The following QRICH2 variants were observed in gnomAD, a reference collection of about 807,000 sequenced individuals.
The protein encoded by QRICH2 is glutamine rich 2.
In QRICH2, 119 loss-of-function variants were observed where a neutral mutation model predicts 168.3. That is an observed-to-expected ratio of 0.71 (90% confidence interval 0.61 to 0.82). The LOEUF (loss-of-function observed/expected upper bound fraction) is 0.82, where lower values mean the gene tolerates loss of function less well. QRICH2 is among the 40% of genes least tolerant of loss of function. QRICH2 has a pLI of 0.00. For missense variants in QRICH2, 2,241 were observed against 2,491.6 expected (o/e 0.90, Z 2.14); for synonymous variants, 894 against 951.2 (o/e 0.94, Z 1.11).
chr17:76,283,093 G>C (rs2070818857), intron 7 of QRICH2, among the ~76,000 whole-genome samples: 2 of 152,182 alleles, frequency 1.3e-5, no homozygotes, highest in African/African-American at 4.8e-5. Flanking sequence ...CACATCCCCA[G>C]GGCAGCATCC....
chr17:76,309,259 G>A (rs1038890784), upstream of QRICH2, among the ~76,000 whole-genome samples: 2 of 150,774 alleles, frequency 1.3e-5, no homozygotes, highest in Non-Finnish European at 2.9e-5. Context: ...GGGAGGCTGA[G>A]GCAGGAGAAT....
chr17:76,287,415 C>A, intron 6 of QRICH2, 109 bp from the exon 7 acceptor site: 1 of 738,944 alleles, frequency 1.4e-6, no homozygotes, highest in South Asian at 1.5e-5. Flanking sequence ...AGGTCTCTCA[C>A]CCTCCACCCC....
At chr17:76,306,154 G>A (rs1456109895) in intron 1 of QRICH2, among the ~76,000 whole-genome samples, 1 of 116,542 alleles carries the variant, frequency 8.6e-6, no homozygotes, top group East Asian at 3.0e-4. Context: ...GGGTGACAGA[G>A]TGAGAATGTG....
chr17:76,287,084 ACACAT>A, intron 7 of QRICH2, 103 bp downstream of exon 7: 1 of 335,130 alleles, frequency 3.0e-6, no homozygotes, highest in Non-Finnish European at 5.0e-6. Flanking sequence ...ACACACACAC[ACACAT>A]GATGGGAGGG....
intron 3 of QRICH2, among the ~76,000 whole-genome samples, chr17:76,296,794 A>T (rs534340373): frequency 1.8e-4 from 28 of 151,806 alleles, no homozygotes; most frequent in African/African-American, 4.8e-4. Flanking sequence ...AAAAAAAAAA[A>T]AAAATAACCA....
intron 7 of QRICH2, among the ~76,000 whole-genome samples, chr17:76,284,959 A>T (rs1418625972): frequency 1.4e-5 from 2 of 143,866 alleles, no homozygotes. Flanking sequence ...AGTGGCTATA[A>T]TTTTTTTTTT....
chr17:76,307,921 G>A lies in QRICH2; in HGVS notation c.78C>T (p.Asn26=), dbSNP rs1376133779. The change falls in exon 1 of 19, where the codon AAC becomes AAT. Residue 26 remains asparagine, a synonymous_variant. Coordinates refer to ENST00000680821, the MANE Select transcript of QRICH2 (RefSeq NM_001388453.1). The surrounding 1 kb of genome is among the most constrained non-coding windows in gnomAD (Gnocchi z 5.3). ...SIGTPEVGAV[N]FTALHTLIVA... is the part of the protein sequence containing the mutation. ...CGATGAGCGTGTGCAGGGCCGTGAA[G>A]TTGACGGCGCCCACCTCTGGCGTGC... 2 of 1,238,566 alleles carry A rather than the reference G, an allele frequency of 1.6e-6. No homozygotes were observed. The highest frequency in any genetic ancestry group is 4.1e-5 in the Admixed American group (1 of 24,414). The allele number at this position is 1,238,566 out of a possible 1,614,324, so 76.7% of individuals were successfully genotyped here. A position where few individuals can be genotyped will look rare whatever the true frequency, so the allele number is the denominator to read the frequency against.
Sources: allele counts gnomAD v4.1 joint callset (sites outside exome capture counted in the v4.1 genomes callset), GRCh38; gene constraint gnomAD v4.1.1; non-coding constraint Gnocchi (gnomAD v3.1); transcripts MANE v1.5; gene names NCBI Gene and HGNC (gene_info 2026-07-23, HGNC 2026-07-21).